SBF1: variants seen among roughly 807,000 people sequenced by gnomAD.
SBF1 encodes the protein myotubularin-related protein 5.
Under a neutral mutation model 215.8 loss-of-function variants are expected in SBF1, and 65 were observed. That is an observed-to-expected ratio of 0.30 (90% confidence interval 0.25 to 0.37). The LOEUF (loss-of-function observed/expected upper bound fraction) is 0.37, where lower values mean the gene tolerates loss of function less well. SBF1 is among the 10% of genes least tolerant of loss of function. The pLI is 1.00. For missense variants in SBF1, 2,634 were observed against 2,667.8 expected (o/e 0.99, Z 0.28); for synonymous variants, 1,410 against 1,122.8 (o/e 1.26, Z -5.11).
chr22:50,449,024 C>G (rs918939877), intron 36 of SBF1, among the ~76,000 whole-genome samples: 1 of 151,552 alleles, frequency 6.6e-6, no homozygotes, highest in Non-Finnish European at 1.5e-5. Flanking sequence ...ATGGAGAAAC[C>G]GCATCTCTAC....
rs200624784 is a variant in SBF1, at chr22:50,462,313, C to A, written c.2288G>T (p.Arg763Leu). Residue 763 changes from arginine (R) to leucine (L), a missense_variant, in exon 19 of 41, where the codon CGC (arginine) becomes CTC (leucine). Arg to Leu is a moderately radical substitution (Grantham distance 102). Coordinates refer to ENST00000380817, the MANE Select transcript of SBF1 (RefSeq NM_002972.4). ...CAGGGGCAGGAGGAGGTAGCTCATG[C>A]GGTTGGCATAGTGGATGGCCTGGCT... ...VFSQAIHYAN[R>L]MSYLLLPLDS... 1.3e-4 allele frequency: 214 copies of A among 1,613,816 alleles called. 1 individual carries two copies. Among genetic ancestry groups the A allele is most frequent in the Non-Finnish European group, 1.1e-5 (13 of 1,180,018 alleles).
rs371278125 is a variant in SBF1 at position 50,460,314 on chromosome 22, G to A, written c.3241C>T (p.Arg1081Trp). Residue 1081 changes from arginine to tryptophan, a missense_variant, in exon 25 of 41, where the codon CGG (arginine) becomes TGG (tryptophan). Physicochemically the swap from Arg to Trp is moderately radical, Grantham distance 101. Transcript: ENST00000380817. ...KKYNPPSWEH[R>W]GQPPPEDQED... ...TGGTCCTCAGGGGGCGGCTGGCCCC[G>A]GTGCTCCCAGCTGGGGGGGTTGTAC... 35 of 1,612,058 alleles carry A rather than the reference G, an allele frequency of 2.2e-5. No individual in the cohort carries two copies. The highest frequency in any genetic ancestry group is 1.5e-4 in the Admixed American group (9 of 59,886).
At position 50,454,699 on chromosome 22, in the gene SBF1, T is replaced by G. The variant is rs534928237; in HGVS notation, c.4856A>C (p.Asp1619Ala). The G allele has an allele frequency of 1.3e-6, 2 of 1,567,878 alleles. No homozygotes were observed. The highest frequency in any genetic ancestry group is 2.2e-5 in the East Asian group (1 of 44,512). The change falls in exon 36 of 41, where the codon GAC becomes GCC. Residue 1619 changes from aspartate to alanine, a missense_variant. Asp to Ala is a moderately radical substitution (Grantham distance 126, BLOSUM62 -2). Coordinates refer to ENST00000380817, the MANE Select transcript of SBF1 (RefSeq NM_002972.4). ...YSNVSNLKVWDFYTEETLAEG... is the reference protein window; with the variant it reads ...YSNVSNLKVWAFYTEETLAEG... ...GGCCAGCGTCTCCTCAGTGTAGAAG[T>G]CCCACACCTTCAGGTTGGACACGTT... is the stretch of plus-strand genomic sequence containing the variant.
rs371044113 is a variant in SBF1, at chr22:50,462,890, G to A, written c.1948C>T (p.Leu650=). The A allele has an allele frequency of 4.3e-6, 7 of 1,612,886 alleles. No individual in the cohort carries two copies. The African/African-American group carries it at 8.0e-5, about 18-fold the overall frequency. The part of the protein sequence containing the change: ...EHGIAAALLP[L]VTAFCRKLSP... Reference sequence around the variant, plus strand: ...CTCACCCGGCAGAAGGCTGTGACCAGAGGCAGCAGAGCCGCCGCAATGCCA... The same window carrying A: ...CTCACCCGGCAGAAGGCTGTGACCAAAGGCAGCAGAGCCGCCGCAATGCCA... Residue 650 remains leucine, a synonymous_variant, in exon 17 of 41, where the codon CTG becomes TTG. Transcript: ENST00000380817.
intron 31 of SBF1, chr22:50,455,898 C>T: frequency 1.8e-6 from 1 of 564,656 alleles, no homozygotes; most frequent in Non-Finnish European, 3.1e-6. Flanking sequence ...CTGTCAGTAC[C>T]CACCCCCGAG....
At chr22:50,460,840 C>T (rs1230754601) in intron 23 of SBF1, 128 bp from the exon 24 acceptor site, 3 of 1,071,480 alleles carry the variant, frequency 2.8e-6, no homozygotes, top group Non-Finnish European at 4.1e-6. Flanking sequence ...AGGCAAAGGC[C>T]TGTATCTGTG....
At chr22:50,454,986 T>TGG in intron 34 of SBF1, 30 bp downstream of exon 34, 3 of 1,613,966 alleles carry the variant, frequency 1.9e-6, no homozygotes, top group Non-Finnish European at 1.7e-6. Flanking sequence ...TCCTGACCCG[T>TGG]GGCTGCCCCA....
chr22:50,461,650 C>T lies in SBF1; in HGVS notation c.2712G>A (p.Leu904=). 1.2e-6 allele frequency: 2 copies of T among 1,611,064 alleles called. No homozygotes were observed. Among genetic ancestry groups the T allele is most frequent in the South Asian group, 2.2e-5 (2 of 91,050 alleles). Residue 904 remains leucine, a synonymous_variant, in exon 22 of 41, where the codon CTG becomes CTA. Coordinates refer to ENST00000380817, the MANE Select transcript of SBF1 (RefSeq NM_002972.4). ...ECVLDGLRVY[L]LPDGREEGAG... is the part of the protein sequence containing the mutation. ...CGCCCTCCTCACGCCCATCCGGCAGCAGGTAGACGCGCAGGCCGTCCAGCA... is the reference window on the plus strand; with the variant it reads ...CGCCCTCCTCACGCCCATCCGGCAGTAGGTAGACGCGCAGGCCGTCCAGCA...
At chr22:50,448,708 A>G (rs2066930755) in intron 36 of SBF1, 58 bp from the exon 37 acceptor site, 1 of 1,356,688 alleles carries the variant, frequency 7.4e-7, no homozygotes, top group South Asian at 1.2e-5. Context: ...CTAGAGCACG[A>G]AAAGACAAAA....
intron 26 of SBF1, 57 bp downstream of exon 26, chr22:50,459,895 C>T (rs2067428346): frequency 6.3e-7 from 1 of 1,580,192 alleles, no homozygotes; most frequent in Admixed American, 1.7e-5. Flanking sequence ...CCACAGCGGG[C>T]AGGGAAGACA....
Position 50,463,270 on chromosome 22 carries a change from T to C in SBF1, c.1899+13A>G. 1 of 1,613,100 alleles carries C rather than the reference T, an allele frequency of 6.2e-7. No homozygotes were observed. The highest frequency in any genetic ancestry group is 8.5e-7 in the Non-Finnish European group (1 of 1,179,738). On this transcript the variant is annotated intron_variant, in intron 16 of 40. Transcript: ENST00000380817. Reference sequence around the variant, plus strand: ...GCCATGAGCCATGTCACTAGCAGGATAAGAGGCCTCACCTGCAGGCAGCAG... The same window carrying C: ...GCCATGAGCCATGTCACTAGCAGGACAAGAGGCCTCACCTGCAGGCAGCAG...
Position 50,460,672 on chromosome 22 carries a change from C to T in SBF1, c.3008G>A (p.Ser1003Asn), listed in dbSNP as rs761035565. 1.2e-6 allele frequency: 2 copies of T among 1,613,878 alleles called. No individual in the cohort carries two copies. Among genetic ancestry groups the T allele is most frequent in the Non-Finnish European group, 1.7e-6 (2 of 1,180,026 alleles). Residue 1003 changes from serine to asparagine, a missense_variant, in exon 24 of 41, where the codon AGC becomes AAC. By Grantham distance (46) the Ser-to-Asn change is conservative. Transcript: ENST00000380817. Reference protein sequence around the residue: ...MAFDEEVGSDSAELFRKQLHK... With the variant: ...MAFDEEVGSDNAELFRKQLHK... The stretch of plus-strand genomic sequence containing the variant: ...CAGCTGCTTACGGAAGAGCTCGGCG[C>T]TGTCAGACCCCACCTCCTCGTCAAA...
rs1378233447 is a variant in SBF1 at position 50,456,773 on chromosome 22, G to A, written c.3905-100C>T. 6 of 1,111,070 alleles carry A rather than the reference G, an allele frequency of 5.4e-6. No homozygotes were observed. The East Asian group carries it at 1.1e-4, about 20-fold the overall frequency. 68.8% of individuals were successfully genotyped at this position (1,111,070 alleles called of 1,614,324 possible). On this transcript the variant is annotated intron_variant, in intron 29 of 40. Transcript: ENST00000380817. Reference sequence around the variant, plus strand: ...TCCAGGGAGGGGGCTGAGCTCCCAGGGCAGGGGTGGTTGGCAGGACCCCAG... The same window carrying A: ...TCCAGGGAGGGGGCTGAGCTCCCAGAGCAGGGGTGGTTGGCAGGACCCCAG...
chr22:50,463,120 C>T (rs957559696), intron 16 of SBF1, among the ~76,000 whole-genome samples, 163 bp downstream of exon 16: 1 of 152,206 alleles, frequency 6.6e-6, no homozygotes, highest in South Asian at 2.1e-4. Context: ...CTGCCCCCAA[C>T]AATGGTTCTC....
In SBF1 at chr22:50,448,545, G is replaced by C. The variant is rs750453086; in HGVS notation, c.5149C>G (p.Arg1717Gly). The C allele has an allele frequency of 1.7e-5, 27 of 1,611,972 alleles. No individual in the cohort carries two copies. In the South Asian group the frequency reaches 2.7e-4, roughly 16 times the overall value. Reference sequence around the variant, plus strand: ...CGCTCACACTGGCCCTCACTCACACGGCCGTCTGGCCGGCCCTCGAGGCGC... The same window carrying C: ...CGCTCACACTGGCCCTCACTCACACCGCCGTCTGGCCGGCCCTCGAGGCGC... ...AQRLEGRPDG[R>G]GTPSSLLVST... Residue 1717 changes from arginine to glycine, a missense_variant and splice_region_variant, in exon 37 of 41, where the codon CGT becomes GGT. By Grantham distance (125) the Arg-to-Gly change is moderately radical. Coordinates refer to ENST00000380817, the MANE Select transcript of SBF1 (RefSeq NM_002972.4).
intron 1 of SBF1, among the ~76,000 whole-genome samples, chr22:50,472,885 A>G (rs747058148): frequency 1.3e-5 from 2 of 152,162 alleles, no homozygotes; most frequent in Non-Finnish European, 2.9e-5. Context: ...GACCAGCTCA[A>G]CCCCAGAAGG....
At chr22:50,470,210 G>A (rs541717856) in intron 1 of SBF1, among the ~76,000 whole-genome samples, 4 of 152,164 alleles carry the variant, frequency 2.6e-5, no homozygotes, top group African/African-American at 9.6e-5. Context: ...TGGCACCCAG[G>A]GCTCACCCAG....
At chr22:50,468,014 AG>A in intron 2 of SBF1, 91 bp from the exon 3 acceptor site, 2 of 1,487,988 alleles carry the variant, frequency 1.3e-6, no homozygotes, top group Middle Eastern at 1.8e-4. Context: ...CCAGGCCTGG[AG>A]GCTCCAACAC....
Position 50,462,272 on chromosome 22 carries a change from G to A in SBF1, c.2329C>T (p.Arg777Cys), listed in dbSNP as rs777090431. 12 of 1,612,218 alleles carry A rather than the reference G, an allele frequency of 7.4e-6. No homozygotes were observed. The highest frequency in any genetic ancestry group is 3.3e-5 in the South Asian group (3 of 91,092). The change falls in exon 19 of 41, where the codon CGC becomes TGC. Residue 777 changes from arginine to cysteine, a missense_variant. Physicochemically the swap from Arg to Cys is radical, Grantham distance 180. Transcript: ENST00000380817. ...LLLPLDSSKS[R>C]LLRERAGLGD... ...AGCCCGGCACGCTCCCGAAGTAGGC[G>A]GCTCTTGCTGCTGTCCAGGGGCAGG...
Sources: allele counts gnomAD v4.1 joint callset (sites outside exome capture counted in the v4.1 genomes callset), GRCh38; gene constraint gnomAD v4.1.1; transcripts MANE v1.5; gene names NCBI Gene and HGNC (gene_info 2026-07-23, HGNC 2026-07-21).